The following ITGB4 variants were observed in gnomAD, a reference collection of about 807,000 sequenced individuals.
The protein encoded by ITGB4 is integrin subunit beta 4, also known as integrin beta-4.
Under a neutral mutation model 207.6 loss-of-function variants are expected in ITGB4, and 159 were observed. That is an observed-to-expected ratio of 0.77 (90% CI 0.67 to 0.87). The LOEUF (loss-of-function observed/expected upper bound fraction) is 0.87. Among genes scored for constraint, ITGB4 ranks in the 40% least tolerant of loss-of-function variants. ITGB4 has a pLI of 0.00. For missense variants in ITGB4, 2,278 were observed against 2,546.8 expected (o/e 0.89, Z 2.27); for synonymous variants, 1,020 against 1,062.7 (o/e 0.96, Z 0.78).
intron 30 of ITGB4, 96 bp from the exon 31 acceptor site, chr17:75,752,078 C>A: frequency 7.4e-7 from 1 of 1,343,460 alleles, no homozygotes; most frequent in Non-Finnish European, 1.1e-6. Context: ...CCCTGGGTGC[C>A]ATCCAGGGGA....
chr17:75,731,398 G>A lies in ITGB4; in HGVS notation c.1215+30G>A. On this transcript the variant is annotated intron_variant, in intron 10 of 39. Coordinates refer to ENST00000200181, the MANE Select transcript of ITGB4 (RefSeq NM_000213.5). This position sits in a 1 kb window ranked among gnomAD's most constrained non-coding sequence, Gnocchi z 6.8. Reference sequence around the variant, plus strand: ...GCCTCTGTGGGGGCAGCGGGGTGGGGGATAGGCACAGCGCCCCACACCGAG... The same window carrying A: ...GCCTCTGTGGGGGCAGCGGGGTGGGAGATAGGCACAGCGCCCCACACCGAG... 6.3e-7 allele frequency: 1 copy of A among 1,595,902 alleles called. No individual in the cohort carries two copies. Among genetic ancestry groups the A allele is most frequent in the African/African-American group, 1.3e-5 (1 of 74,786 alleles).
Position 75,731,139 on chromosome 17 carries a change from C to G in ITGB4, c.1093-107C>G. ...AGGGGCCACCTGGGCCTGGCCCTGG[C>G]TCCTGCAGGCTCTGTGATACCCCGC... On this transcript the variant is annotated intron_variant, in intron 9 of 39. Coordinates refer to ENST00000200181, the MANE Select transcript of ITGB4 (RefSeq NM_000213.5). The surrounding 1 kb of genome is among the most constrained non-coding windows in gnomAD (Gnocchi z 6.8). 1.3e-6 allele frequency: 2 copies of G among 1,580,912 alleles called. No homozygotes were observed. Among genetic ancestry groups the G allele is most frequent in the Admixed American group, 1.7e-5 (1 of 58,474 alleles).
rs200760979 is a variant in ITGB4, at chr17:75,756,440, C to T, written c.4720C>T (p.Arg1574Trp). 101 of 1,613,246 alleles carry T rather than the reference C, an allele frequency of 6.3e-5. 1 individual carries two copies. The highest frequency in any genetic ancestry group is 3.3e-4 in the Middle Eastern group (2 of 6,062). Residue 1574 changes from arginine to tryptophan, a missense_variant, in exon 36 of 40, where the codon CGG becomes TGG. Physicochemically the swap from Arg to Trp is moderately radical, Grantham distance 101. Coordinates refer to ENST00000200181, the MANE Select transcript of ITGB4 (RefSeq NM_000213.5). ...CCTGATCCCCCCAGGTGAGCTGCAT[C>T]GGCTCAACATCCCCAACCCTGCCCA... is the stretch of plus-strand genomic sequence containing the variant. ...YQLLNGGELHRLNIPNPAQTS... is the reference protein window; with the variant it reads ...YQLLNGGELHWLNIPNPAQTS...
intron 13 of ITGB4, 142 bp from the exon 14 acceptor site, chr17:75,735,909 G>A: frequency 1.3e-6 from 1 of 777,270 alleles, no homozygotes; most frequent in South Asian, 1.4e-5. Flanking sequence ...CCAGGAAAGT[G>A]AGGAAGAGAT....
In ITGB4 at chr17:75,742,345, G is replaced by T; in HGVS notation, c.2638G>T (p.Asp880Tyr). ...RQQPNAGKKQ[D>Y]HTIVDTVLMA... Reference sequence around the variant, plus strand: ...AACCTTCCACCCTCGACCCAGGCAAGACCACACCATTGTGGACACAGTGCT... The same window carrying T: ...AACCTTCCACCCTCGACCCAGGCAATACCACACCATTGTGGACACAGTGCT... The change falls in exon 24 of 40, where the codon GAC (aspartate) becomes TAC (tyrosine). Residue 880 changes from aspartate to tyrosine, a missense_variant. Physicochemically the swap from Asp to Tyr is radical, Grantham distance 160. Transcript: ENST00000200181. The surrounding 1 kb of genome is among the most constrained non-coding windows in gnomAD (Gnocchi z 5.9). 6.2e-7 allele frequency: 1 copy of T among 1,613,382 alleles called. No homozygotes were observed. The highest frequency in any genetic ancestry group is 8.5e-7 in the Non-Finnish European group (1 of 1,180,036).
intron 23 of ITGB4, chr17:75,741,222 G>A: frequency 1.5e-6 from 1 of 647,566 alleles, no homozygotes; most frequent in South Asian, 1.8e-5. Flanking sequence ...GACTAGAGCA[G>A]GCAAAAGCAA....
chr17:75,740,448 A>T lies in ITGB4; in HGVS notation c.2537A>T (p.Glu846Val), dbSNP rs778285941. 6.2e-7 allele frequency: 1 copy of T among 1,611,704 alleles called. No homozygotes were observed. Among genetic ancestry groups the T allele is most frequent in the Admixed American group, 1.7e-5 (1 of 59,936 alleles). Reference sequence around the variant, plus strand: ...CGGGAGTGCGCCCAGCTGCGCCAGGAGGTGGAGGAGAACGTAAGGACCCAG... The same window carrying T: ...CGGGAGTGCGCCCAGCTGCGCCAGGTGGTGGAGGAGAACGTAAGGACCCAG... ...DTRECAQLRQ[E>V]VEENLNEVYR... The change falls in exon 21 of 40, where the codon GAG (glutamate) becomes GTG (valine). Residue 846 changes from glutamate to valine, a missense_variant. Glu to Val is a moderately radical substitution (Grantham distance 121). Transcript: ENST00000200181. This position sits in a 1 kb window ranked among gnomAD's most constrained non-coding sequence, Gnocchi z 5.9.
At position 75,731,795 on chromosome 17, in the gene ITGB4, C is replaced by T. The variant is rs1195078044; in HGVS notation, c.1216-17C>T. The T allele has an allele frequency of 6.4e-7, 1 of 1,563,580 alleles. No individual in the cohort carries two copies. Among genetic ancestry groups the T allele is most frequent in the South Asian group, 1.2e-5 (1 of 86,150 alleles). ...TTGGGGCTGGGCCTGCCTTGGCTGACCACGGGGCCCCTGCAGGGTATATAC... is the reference window on the plus strand; with the variant it reads ...TTGGGGCTGGGCCTGCCTTGGCTGATCACGGGGCCCCTGCAGGGTATATAC... On this transcript the variant is annotated splice_polypyrimidine_tract_variant and intron_variant, in intron 10 of 39. Coordinates refer to ENST00000200181, the MANE Select transcript of ITGB4 (RefSeq NM_000213.5). The surrounding 1 kb of genome is among the most constrained non-coding windows in gnomAD (Gnocchi z 6.8).
chr17:75,757,560 A>G lies in ITGB4; in HGVS notation c.*5A>G, dbSNP rs764094923. The G allele has an allele frequency of 3.7e-6, 6 of 1,602,814 alleles. No individual in the cohort carries two copies. The highest frequency in any genetic ancestry group is 5.1e-6 in the Non-Finnish European group (6 of 1,175,408). On this transcript the variant is annotated 3_prime_UTR_variant, in exon 40 of 40. Coordinates refer to ENST00000200181, the MANE Select transcript of ITGB4 (RefSeq NM_000213.5). ...CAACAGTTCTTCCAAACTTGACCGC[A>G]CCCTGCCCCACCCCCGCCACGTCCC...
At chr17:75,754,476 C>G (rs2061440017) in intron 33 of ITGB4, 100 bp from the exon 34 acceptor site, 8 of 1,513,524 alleles carry the variant, frequency 5.3e-6, no homozygotes, top group Non-Finnish European at 7.3e-6. Flanking sequence ...GCAAAAGCCA[C>G]CCAGAGGGTG....
Position 75,740,115 on chromosome 17 carries a change from G to A in ITGB4, c.2446+44G>A, listed in dbSNP as rs559996086. The A allele has an allele frequency of 7.5e-5, 118 of 1,566,932 alleles. No homozygotes were observed. The highest frequency in any genetic ancestry group is 9.4e-5 in the Non-Finnish European group (109 of 1,154,056). On this transcript the variant is annotated intron_variant, in intron 20 of 39. Transcript: ENST00000200181. This position sits in a 1 kb window ranked among gnomAD's most constrained non-coding sequence, Gnocchi z 5.9. ...GCCACAGCTCTGGGCAGTGCCCTTC[G>A]GGCCCTCTGTTCCAGATCTGGGATC...
Position 75,729,322 on chromosome 17 carries a change from C to A in ITGB4, c.624C>A (p.Ser208Arg). 1 of 1,614,150 alleles carries A rather than the reference C, an allele frequency of 6.2e-7. No individual in the cohort carries two copies. The highest frequency in any genetic ancestry group is 8.5e-7 in the Non-Finnish European group (1 of 1,180,016). ...DPPFSFKNVISLTEDVDEFRN... is the reference protein window; with the variant it reads ...DPPFSFKNVIRLTEDVDEFRN... Reference sequence around the variant, plus strand: ...CCTTCTCCTTCAAGAACGTCATCAGCCTGACAGAAGATGTGGATGAGTTCC... The same window carrying A: ...CCTTCTCCTTCAAGAACGTCATCAGACTGACAGAAGATGTGGATGAGTTCC... The change falls in exon 7 of 40, where the codon AGC (serine) becomes AGA (arginine). Residue 208 changes from serine (S) to arginine (R), a missense_variant. Transcript: ENST00000200181. The surrounding 1 kb of genome is among the most constrained non-coding windows in gnomAD (Gnocchi z 4.4).
Position 75,731,989 on chromosome 17 carries a change from G to T in ITGB4, c.1377+16G>T. The T allele has an allele frequency of 1.2e-6, 2 of 1,613,930 alleles. No homozygotes were observed. Among genetic ancestry groups the T allele is most frequent in the East Asian group, 2.2e-5 (1 of 44,890 alleles). ...CTGCGAGCTGGTACAACGCAGCCCC[G>T]CAGGGCGGGAGGGGAGAGCTGAGCC... On this transcript the variant is annotated intron_variant, in intron 11 of 39. Transcript: ENST00000200181. The surrounding 1 kb of genome is among the most constrained non-coding windows in gnomAD (Gnocchi z 6.8).
chr17:75,752,111 A>C (rs573799129), intron 30 of ITGB4, 63 bp from the exon 31 acceptor site: 1 of 1,544,196 alleles, frequency 6.5e-7, no homozygotes, highest in African/African-American at 1.4e-5. Flanking sequence ...CTGCTGTGTC[A>C]GGGGTGGTGT....
chr17:75,755,246 C>T, intron 34 of ITGB4: 1 of 1,584,026 alleles, frequency 6.3e-7, no homozygotes, highest in Non-Finnish European at 8.6e-7. Flanking sequence ...GTCTCCACAG[C>T]TGTCCTGCTC....
At position 75,733,472 on chromosome 17, in the gene ITGB4, G is replaced by T; in HGVS notation, c.1455-18G>T. On this transcript the variant is annotated intron_variant, in intron 12 of 39. Transcript: ENST00000200181. Reference sequence around the variant, plus strand: ...TTCCTCCTGGGCTGTTTCGGGGAATGACCAGTTCCTCCTTCAGGAGTGGCC... The same window carrying T: ...TTCCTCCTGGGCTGTTTCGGGGAATTACCAGTTCCTCCTTCAGGAGTGGCC... 1 of 1,610,706 alleles carries T rather than the reference G, an allele frequency of 6.2e-7. No homozygotes were observed. The highest frequency in any genetic ancestry group is 1.1e-5 in the South Asian group (1 of 90,928).
Position 75,742,734 on chromosome 17 carries a change from G to A in ITGB4, c.2935G>A (p.Val979Ile), listed in dbSNP as rs749612857. ...AGTATLGRRLVNITIIKEQAR... is the reference protein window; with the variant it reads ...AGTATLGRRLINITIIKEQAR... ...CACTGCCACCCTCGGCCGCCGCCTGGTAAACATCACCATCATCAAGGAGCA... is the reference window on the plus strand; with the variant it reads ...CACTGCCACCCTCGGCCGCCGCCTGATAAACATCACCATCATCAAGGAGCA... The change falls in exon 25 of 40, where the codon GTA becomes ATA. Residue 979 changes from valine (V) to isoleucine (I), a missense_variant. Transcript: ENST00000200181. This position sits in a 1 kb window ranked among gnomAD's most constrained non-coding sequence, Gnocchi z 5.9. 22 of 1,611,896 alleles carry A rather than the reference G, an allele frequency of 1.4e-5. No individual in the cohort carries two copies. Among genetic ancestry groups the A allele is most frequent in the Non-Finnish European group, 1.7e-5 (20 of 1,180,014 alleles).
rs770913424 is a variant in ITGB4, at chr17:75,730,488, C to G, written c.986C>G (p.Ser329Cys). ...CCCATCTTTGCTGTCACCAACTACT[C>G]CTATAGCTACTACGAGGTGCGGGGC... The part of the protein sequence containing the change: ...IIPIFAVTNY[S>C]YSYYEKLHTY... The change falls in exon 8 of 40, where the codon TCC (serine) becomes TGC (cysteine). Residue 329 changes from serine (S) to cysteine (C), a missense_variant. Coordinates refer to ENST00000200181, the MANE Select transcript of ITGB4 (RefSeq NM_000213.5). 6.8e-6 allele frequency: 11 copies of G among 1,613,724 alleles called. No homozygotes were observed. The highest frequency in any genetic ancestry group is 9.3e-6 in the Non-Finnish European group (11 of 1,180,024).
In ITGB4 at chr17:75,750,648, C is replaced by T. The variant is rs757642742; in HGVS notation, c.3475-32C>T. The T allele has an allele frequency of 1.2e-6, 2 of 1,608,536 alleles. No individual in the cohort carries two copies. Among genetic ancestry groups the T allele is most frequent in the African/African-American group, 2.7e-5 (2 of 74,800 alleles). On this transcript the variant is annotated intron_variant, in intron 28 of 39. Transcript: ENST00000200181. The surrounding 1 kb of genome is among the most constrained non-coding windows in gnomAD (Gnocchi z 5.5). ...AGGCAGCTTGGGTGCCTGCTGCTCC[C>T]TGCTGACCAGGACCCCTGTCCCTGG...
Sources: gnomAD v4.1 joint callset for allele counts on GRCh38, gnomAD v4.1.1 for gene constraint, Gnocchi (gnomAD v3.1) non-coding constraint, MANE v1.5 for transcripts, NCBI Gene and HGNC (gene_info 2026-07-23, HGNC 2026-07-21) for gene names.